The following ACVR1C variants were observed in gnomAD, a reference collection of about 807,000 sequenced individuals.
ACVR1C encodes the protein activin A receptor type 1C, also known as activin receptor type-1C.
Under a neutral mutation model 57.9 loss-of-function variants are expected in ACVR1C, and 23 were observed. The ratio of observed to expected loss-of-function variants is 0.40; its 90% confidence interval spans 0.29 to 0.56. ACVR1C has a LOEUF of 0.56. Among genes scored for constraint, ACVR1C ranks in the 20% least tolerant of loss-of-function variants. The pLI, the probability that ACVR1C is intolerant of heterozygous loss-of-function variation, is 0.50. For synonymous variants in ACVR1C, 214 were observed against 215.3 expected, an observed-to-expected ratio of 0.99 and a Z score of 0.05; for missense variants, 480 against 607.9, an observed-to-expected ratio of 0.79 and a Z score of 2.21.
At chr2:157,601,731 G>T (rs1403358795) in intron 1 of ACVR1C, among the ~76,000 whole-genome samples, 1 of 152,216 alleles carries the variant, frequency 6.6e-6, no homozygotes, top group African/African-American at 2.4e-5. Flanking sequence ...CGTATCTGTA[G>T]TTCTAATCCT....
intron 8 of ACVR1C, among the ~76,000 whole-genome samples, chr2:157,536,887 T>A (rs1206710862): frequency 1.3e-5 from 2 of 152,176 alleles, no homozygotes; most frequent in African/African-American, 4.8e-5. Context: ...AATGACTATG[T>A]TGGGTCTATT....
chr2:157,535,903 T>C (rs541901993), intron 8 of ACVR1C, among the ~76,000 whole-genome samples: 3 of 152,328 alleles, frequency 2.0e-5, no homozygotes, highest in African/African-American at 7.2e-5. Flanking sequence ...TGACTCCTCA[T>C]TATCCTCTAA....
intron 1 of ACVR1C, among the ~76,000 whole-genome samples, chr2:157,619,806 A>C (rs1448429414): frequency 6.6e-6 from 1 of 152,076 alleles, no homozygotes; most frequent in Non-Finnish European, 1.5e-5. Context: ...AAAGCTATTT[A>C]TTTGCAAGAA....
In ACVR1C at chr2:157,530,472, T is replaced by C. The variant is rs1687327993; in HGVS notation, c.*3446A>G. The C allele has an allele frequency of 6.6e-6, 1 of 152,206 alleles. No homozygotes were observed. The highest frequency in any genetic ancestry group is 1.5e-5 in the Non-Finnish European group (1 of 67,972). The allele number at this position is 152,206 out of a possible 1,614,324, so 9.4% of individuals were successfully genotyped here. ...CCAATAAGTCACATGGTGGCAAAAT[T>C]CCAGGAAAATAGGAGTAGTTTTGTT... On this transcript the variant is annotated 3_prime_UTR_variant, in exon 9 of 9. Transcript: ENST00000243349.
chr2:157,625,862 T>A (rs1023089566), intron 1 of ACVR1C, among the ~76,000 whole-genome samples: 13 of 152,170 alleles, frequency 8.5e-5, no homozygotes, highest in Non-Finnish European at 1.6e-4. Flanking sequence ...ACTTCTTTTT[T>A]GGGTACACAT....
chr2:157,560,095 T>C (rs1443325381), intron 2 of ACVR1C, among the ~76,000 whole-genome samples: 1 of 152,166 alleles, frequency 6.6e-6, no homozygotes, highest in Non-Finnish European at 1.5e-5. Context: ...TCACTGGTGG[T>C]TGCCACTGCC....
intron 2 of ACVR1C, among the ~76,000 whole-genome samples, chr2:157,582,028 T>C (rs765664391): frequency 1.3e-5 from 2 of 152,174 alleles, no homozygotes; most frequent in African/African-American, 4.8e-5. Flanking sequence ...ATAAAAAGGT[T>C]TGCATCTGGC....
intron 3 of ACVR1C, among the ~76,000 whole-genome samples, chr2:157,554,757 G>A (rs188250690): frequency 2.2e-4 from 34 of 152,220 alleles, no homozygotes; most frequent in African/African-American, 8.2e-4. Flanking sequence ...GGATTTTCCC[G>A]AAAGCCATTG....
intron 1 of ACVR1C, among the ~76,000 whole-genome samples, chr2:157,610,957 A>G (rs1478485890): frequency 6.6e-6 from 1 of 151,906 alleles, no homozygotes; most frequent in Admixed American, 6.6e-5. Context: ...CTATTTTTCA[A>G]AGTTCTGTTG....
At chr2:157,625,077 G>T (rs1559001002) in intron 1 of ACVR1C, among the ~76,000 whole-genome samples, 2 of 152,104 alleles carry the variant, frequency 1.3e-5, no homozygotes, top group East Asian at 3.8e-4. Context: ...TTTATCATCA[G>T]TCCATATTTA....
At chr2:157,543,726 G>A (rs1178215458) in intron 5 of ACVR1C, among the ~76,000 whole-genome samples, 1 of 151,934 alleles carries the variant, frequency 6.6e-6, no homozygotes, top group South Asian at 2.1e-4. Flanking sequence ...AATAGAAATG[G>A]CAGTAGGTAC....
chr2:157,557,029 A>G (rs1022382304), intron 2 of ACVR1C, among the ~76,000 whole-genome samples: 1 of 152,188 alleles, frequency 6.6e-6, no homozygotes, highest in African/African-American at 2.4e-5. Flanking sequence ...GGGCTCTTGC[A>G]ATGTGTTGCT....
rs1001622882 is a variant in ACVR1C at position 157,529,970 on chromosome 2, T to C, written c.*3948A>G. The C allele has an allele frequency of 5.3e-5, 8 of 152,054 alleles. No individual in the cohort carries two copies. The highest frequency in any genetic ancestry group is 2.1e-4 in the South Asian group (1 of 4,828). 9.4% of individuals were successfully genotyped at this position (152,054 alleles called of 1,614,324 possible). A position where few individuals can be genotyped will look rare whatever the true frequency, so the allele number is the denominator to read the frequency against. ...AAGATAAAAGAATTACTGTTTTCAC[T>C]AAAATAGCAGAAAAACTCCATGTAG... On this transcript the variant is annotated 3_prime_UTR_variant, in exon 9 of 9. Coordinates refer to ENST00000243349, the MANE Select transcript of ACVR1C (RefSeq NM_145259.3).
In ACVR1C at chr2:157,587,349, C is replaced by A. The variant is rs776565341; in HGVS notation, c.142G>T (p.Ala48Ser). ...FTCQTEGACW[A>S]SVMLTNGKEQ... The stretch of plus-strand genomic sequence containing the variant: ...TTTCCATTGGTTAGCATGACTGATG[C>A]CCAACATGCTCCTTCTGTTTGGCAG... Residue 48 changes from alanine (A) to serine (S), a missense_variant, in exon 2 of 9, where the codon GCA becomes TCA. Coordinates refer to ENST00000243349, the MANE Select transcript of ACVR1C (RefSeq NM_145259.3). 1 of 1,613,570 alleles carries A rather than the reference C, an allele frequency of 6.2e-7. No individual in the cohort carries two copies. Among genetic ancestry groups the A allele is most frequent in the Non-Finnish European group, 8.5e-7 (1 of 1,179,600 alleles).
chr2:157,547,571 A>G (rs1384651452), intron 4 of ACVR1C, among the ~76,000 whole-genome samples: 1 of 145,532 alleles, frequency 6.9e-6, no homozygotes, highest in African/African-American at 2.6e-5. Flanking sequence ...ATGGCCAGTG[A>G]CGGTGAGCAT....
chr2:157,611,982 G>A (rs532174657), intron 1 of ACVR1C, among the ~76,000 whole-genome samples: 16 of 152,192 alleles, frequency 1.1e-4, no homozygotes, highest in Admixed American at 3.3e-4. Context: ...TCATGCTATT[G>A]GGATAAATGG....
intron 1 of ACVR1C, among the ~76,000 whole-genome samples, chr2:157,624,240 A>G (rs1355548973): frequency 6.6e-6 from 1 of 152,170 alleles, no homozygotes; most frequent in African/African-American, 2.4e-5. Flanking sequence ...TTGCTCTCTT[A>G]GGAACATGCT....
chr2:157,535,519 T>C (rs1687460285), intron 8 of ACVR1C, among the ~76,000 whole-genome samples: 2 of 152,106 alleles, frequency 1.3e-5, no homozygotes, highest in South Asian at 4.1e-4. Flanking sequence ...ACCAATAAAA[T>C]ATCTTGATAT....
chr2:157,581,938 C>T (rs1005792880), intron 2 of ACVR1C, among the ~76,000 whole-genome samples: 4 of 152,184 alleles, frequency 2.6e-5, no homozygotes, highest in Non-Finnish European at 5.9e-5. Context: ...ATCACACTCA[C>T]TGGTGACACA....
Sources: allele counts gnomAD v4.1 joint callset (sites outside exome capture counted in the v4.1 genomes callset), GRCh38; gene constraint gnomAD v4.1.1; transcripts MANE v1.5; gene names NCBI Gene and HGNC (gene_info 2026-07-23, HGNC 2026-07-21).